The following NRP2 variants were observed in gnomAD, a reference collection of about 807,000 sequenced individuals.
NRP2 encodes neuropilin-2.
A neutral mutation model predicts 110.4 loss-of-function variants in NRP2; 52 were observed. The observed-to-expected ratio is 0.47, with a 90% CI of 0.38 to 0.59. The LOEUF (loss-of-function observed/expected upper bound fraction) is 0.59. NRP2 is among the 20% of genes least tolerant of loss of function. The pLI is 0.00. For missense variants in NRP2, 1,049 were observed against 1,203.0 expected (o/e 0.87, Z 1.89); for synonymous variants, 508 against 468.9 (o/e 1.08, Z -1.08).
chr2:205,730,282 T>C (rs540847097), intron 7 of NRP2, among the ~76,000 whole-genome samples: 2 of 152,078 alleles, frequency 1.3e-5, no homozygotes, highest in African/African-American at 4.8e-5. Context: ...CTCTGGGCTG[T>C]TGGGGTTGAA....
chr2:205,716,078 C>A, intron 2 of NRP2, 115 bp from the exon 3 acceptor site: 1 of 1,108,262 alleles, frequency 9.0e-7, no homozygotes, highest in Non-Finnish European at 1.4e-6. Flanking sequence ...TTCGCTTATC[C>A]ATCTGAAACA....
At chr2:205,739,101 G>T (rs935270836) in intron 7 of NRP2, among the ~76,000 whole-genome samples, 1 of 152,124 alleles carries the variant, frequency 6.6e-6, no homozygotes, top group Non-Finnish European at 1.5e-5. Flanking sequence ...CCATTCTAAG[G>T]TGGGATTATA....
chr2:205,776,921 G>T (rs1334680117), intron 15 of NRP2: 1 of 1,191,416 alleles, frequency 8.4e-7, no homozygotes, highest in East Asian at 5.6e-5. Flanking sequence ...GGGGAAGCCT[G>T]GATCTGTGTG....
intron 15 of NRP2, among the ~76,000 whole-genome samples, chr2:205,791,877 G>T (rs2058305829): frequency 6.6e-6 from 1 of 152,202 alleles, no homozygotes; most frequent in Admixed American, 6.5e-5. Context: ...TACACTAAAT[G>T]GACATCCCAG....
At chr2:205,731,656 C>T (rs1207263850) in intron 7 of NRP2, among the ~76,000 whole-genome samples, 1 of 152,188 alleles carries the variant, frequency 6.6e-6, no homozygotes, top group East Asian at 1.9e-4. Context: ...TAGTTAGTCA[C>T]AGTGTTTCTG....
intron 9 of NRP2, among the ~76,000 whole-genome samples, chr2:205,745,327 A>G (rs849565): frequency 0.33 from 50,071 of 152,074 alleles, 10,694 homozygotes; most frequent in African/African-American, 0.61. Context: ...AGGCTTTCAC[A>G]CATTAGAAAA....
chr2:205,740,737 AC>A lies in NRP2; in HGVS notation c.1291+75del. The A allele has an allele frequency of 3.9e-6, 6 of 1,546,678 alleles. No individual in the cohort carries two copies. The South Asian group carries it at 6.8e-5, about 18-fold the overall frequency. On this transcript the variant is annotated intron_variant, in intron 8 of 16. Transcript: ENST00000357785. ...TCTGCTCCCTTTCAACTCTCTGCAA[AC>A]AGCATGACTGCACCACATGACCTTC...
rs2058360342 is a variant in NRP2, at chr2:205,797,492, T to C, written c.*2434T>C. ...ATGTACAACTCAACCTGCATCCCTC[T>C]AAAAGTCCTATATCCATATTCACCA... is the stretch of plus-strand genomic sequence containing the variant. On this transcript the variant is annotated 3_prime_UTR_variant, in exon 17 of 17. Coordinates refer to ENST00000357785, the MANE Select transcript of NRP2 (RefSeq NM_003872.3). The C allele has an allele frequency of 6.6e-6, 1 of 152,234 alleles. No individual in the cohort carries two copies. Among genetic ancestry groups the C allele is most frequent in the Admixed American group, 6.5e-5 (1 of 15,272 alleles). 9.4% of individuals were successfully genotyped at this position (152,234 alleles called of 1,614,324 possible). A position where few individuals can be genotyped will look rare whatever the true frequency, so the allele number is the denominator to read the frequency against.
At chr2:205,786,331 T>G (rs1172476131) in intron 15 of NRP2, among the ~76,000 whole-genome samples, 1 of 152,220 alleles carries the variant, frequency 6.6e-6, no homozygotes, top group East Asian at 1.9e-4. Context: ...AGAGAATGGC[T>G]GAGAGAAGTT....
chr2:205,733,737 T>TC (rs1163931905), intron 7 of NRP2, among the ~76,000 whole-genome samples: 1 of 151,682 alleles, frequency 6.6e-6, no homozygotes, highest in East Asian at 1.9e-4. Context: ...CATTGACTGT[T>TC]CCCCCCAAGC....
chr2:205,776,970 CTGTG>C, intron 15 of NRP2: 1 of 1,104,562 alleles, frequency 9.1e-7, no homozygotes, highest in Non-Finnish European at 1.1e-6. Flanking sequence ...GAATAGCTCT[CTGTG>C]TGTGGGTGTG....
intron 1 of NRP2, among the ~76,000 whole-genome samples, chr2:205,692,837 C>T (rs971440542): frequency 2.0e-5 from 3 of 152,116 alleles, no homozygotes; most frequent in Admixed American, 6.6e-5. Context: ...ATCTATTCCC[C>T]ACCTCACTAC....
chr2:205,719,408 G>C (rs947960008), intron 3 of NRP2, among the ~76,000 whole-genome samples: 1 of 151,670 alleles, frequency 6.6e-6, no homozygotes, highest in African/African-American at 2.4e-5. Context: ...CATTTAAAAG[G>C]GTAAGCCAGA....
rs779329966 is a variant in NRP2 at position 205,795,120 on chromosome 2, AT to A, written c.*71del. ...AGCAAGAGGGGCTGGGGAAGATTAC[AT>A]TTTTTTTTCCTTTGGAAACTGAATG... On this transcript the variant is annotated 3_prime_UTR_variant, in exon 17 of 17. Coordinates refer to ENST00000357785, the MANE Select transcript of NRP2 (RefSeq NM_003872.3). 268 of 1,475,684 alleles carry A rather than the reference AT, an allele frequency of 1.8e-4. No homozygotes were observed. Among genetic ancestry groups the A allele is most frequent in the Non-Finnish European group, 2.3e-4 (242 of 1,071,948 alleles). The allele number at this position is 1,475,684 out of a possible 1,614,324, so 91.4% of individuals were successfully genotyped here.
At chr2:205,772,240 A>G (rs1397512880) in intron 15 of NRP2, among the ~76,000 whole-genome samples, 3 of 152,222 alleles carry the variant, frequency 2.0e-5, no homozygotes, top group Non-Finnish European at 4.4e-5. Flanking sequence ...ATACACAGGA[A>G]ATGTCCACTC....
chr2:205,737,377 C>T (rs1275945075), intron 7 of NRP2, among the ~76,000 whole-genome samples: 3 of 152,212 alleles, frequency 2.0e-5, no homozygotes, highest in Non-Finnish European at 4.4e-5. Flanking sequence ...CCAGAGAGAA[C>T]CCTACAAATC....
At chr2:205,755,047 G>A (rs181213921) in intron 12 of NRP2, among the ~76,000 whole-genome samples, 6 of 152,242 alleles carry the variant, frequency 3.9e-5, no homozygotes, top group Non-Finnish European at 5.9e-5. Context: ...AGCTCCAGGG[G>A]AGCTTAAGTG....
Position 205,740,672 on chromosome 2 carries a change from G to A in NRP2, c.1291+9G>A, listed in dbSNP as rs1008191769. On this transcript the variant is annotated intron_variant, in intron 8 of 16. Coordinates refer to ENST00000357785, the MANE Select transcript of NRP2 (RefSeq NM_003872.3). ...CGGCTGCCGGGTCACAGGTGAGGTG[G>A]GGGCTCCAATGAGGTTGGGGTGCTG... The A allele has an allele frequency of 1.2e-6, 2 of 1,613,954 alleles. No individual in the cohort carries two copies. Among genetic ancestry groups the A allele is most frequent in the Admixed American group, 3.3e-5 (2 of 60,030 alleles).
intron 7 of NRP2, among the ~76,000 whole-genome samples, chr2:205,738,463 CT>C (rs2057384510): frequency 1.3e-5 from 2 of 152,212 alleles, no homozygotes; most frequent in African/African-American, 2.4e-5. Context: ...TGATGAATCT[CT>C]TTTCTTTGGA....
Sources: gnomAD v4.1 joint callset for allele counts (sites outside exome capture counted in the v4.1 genomes callset) on GRCh38, gnomAD v4.1.1 for gene constraint, MANE v1.5 for transcripts, NCBI Gene and HGNC (gene_info 2026-07-23, HGNC 2026-07-21) for gene names.